PSD: variants seen among roughly 807,000 people sequenced by gnomAD.
PSD encodes pleckstrin and Sec7 domain containing, also known as PH and SEC7 domain-containing protein 1.
A neutral mutation model predicts 91.6 loss-of-function variants in PSD; 32 were observed. That is an observed-to-expected ratio of 0.35 (90% CI 0.26 to 0.47). PSD has a LOEUF of 0.47. PSD is among the 20% of genes least tolerant of loss of function. PSD has a pLI of 1.00. For missense variants in PSD, 1,099 were observed against 1,373.9 expected (o/e 0.80, Z 3.16); for synonymous variants, 532 against 569.3 (o/e 0.93, Z 0.93).
rs761587777 is a variant in PSD, at chr10:102,415,097, C to T, written c.890G>A (p.Arg297His). Residue 297 changes from arginine (R) to histidine (H), a missense_variant, in exon 4 of 17, where the codon CGC (arginine) becomes CAC (histidine). This residue lies in a region of PSD where 631 missense variants were observed against 728.8 expected (regional missense o/e 0.87). Coordinates refer to ENST00000020673, the MANE Select transcript of PSD (RefSeq NM_002779.5). ...DLDTVPLRCY[R>H]ETDIDEVLAE... ...CAGCACCTCATCGATGTCAGTCTCG[C>T]GGTAGCACCTCAGGGGCACCGTGTC... The T allele has an allele frequency of 3.7e-6, 6 of 1,613,870 alleles. No homozygotes were observed. Among genetic ancestry groups the T allele is most frequent in the East Asian group, 2.2e-5 (1 of 44,894 alleles).
chr10:102,409,107 CGCGCCGCGGCCCCCG>C lies in PSD; in HGVS notation c.2091+1736_2091+1750del. The C allele has an allele frequency of 2.0e-6, 2 of 982,512 alleles. No homozygotes were observed. The highest frequency in any genetic ancestry group is 2.4e-6 in the Non-Finnish European group (2 of 829,052). The allele number at this position is 982,512 out of a possible 1,614,324, so 60.9% of individuals were successfully genotyped here. A position where few individuals can be genotyped will look rare whatever the true frequency, so the allele number is the denominator to read the frequency against. On this transcript the variant is annotated intron_variant, in intron 10 of 16. Transcript: ENST00000020673. This position sits in a 1 kb window ranked among gnomAD's most constrained non-coding sequence, Gnocchi z 5.7. ...ACGCCGATCATGCTGGCCCGGCCGG[CGCGCCGCGGCCCCCG>C]GCCATGCCCCCGTCCGCCCTCGGCC...
At chr10:102,406,512 T>C (rs999491689) in intron 11 of PSD, among the ~76,000 whole-genome samples, 7 of 145,008 alleles carry the variant, frequency 4.8e-5, no homozygotes, top group East Asian at 1.9e-4. Context: ...TTTTTTCTTT[T>C]TTTTTTTTTT....
At position 102,409,317 on chromosome 10, in the gene PSD, G is replaced by A; in HGVS notation, c.2091+1541C>T. The A allele has an allele frequency of 1.0e-6, 1 of 985,498 alleles. No homozygotes were observed. The highest frequency in any genetic ancestry group is 1.2e-6 in the Non-Finnish European group (1 of 829,676). 61.0% of individuals were successfully genotyped at this position (985,498 alleles called of 1,614,324 possible). ...GCGGGAGGGGGGCGCCGACGGGAAA[G>A]GGAGGGCGAGGGCTGGGGGCGGGGA... On this transcript the variant is annotated intron_variant, in intron 10 of 16. Transcript: ENST00000020673. The surrounding 1 kb of genome is among the most constrained non-coding windows in gnomAD (Gnocchi z 5.7).
chr10:102,403,870 C>G lies in PSD; in HGVS notation c.2816G>C (p.Arg939Pro). 1 of 1,610,086 alleles carries G rather than the reference C, an allele frequency of 6.2e-7. No homozygotes were observed. The highest frequency in any genetic ancestry group is 8.5e-7 in the Non-Finnish European group (1 of 1,178,266). ...KGRGKEAEEQ[R>P]QKEAYLEFEK... Reference sequence around the variant, plus strand: ...AAACTCCAGGTAGGCCTCCTTCTGCCGCTGCTCTTCAGCCTCCTTGCCCCG... The same window carrying G: ...AAACTCCAGGTAGGCCTCCTTCTGCGGCTGCTCTTCAGCCTCCTTGCCCCG... The change falls in exon 16 of 17, where the codon CGG (arginine) becomes CCG (proline). Residue 939 changes from arginine to proline, a missense_variant. Arg to Pro is a moderately radical substitution (Grantham distance 103, BLOSUM62 -2). Transcript: ENST00000020673. The surrounding 1 kb of genome is among the most constrained non-coding windows in gnomAD (Gnocchi z 6.7).
chr10:102,403,160 T>C lies in PSD; in HGVS notation c.*40A>G, dbSNP rs1337841563. The C allele has an allele frequency of 7.7e-6, 11 of 1,425,476 alleles. No homozygotes were observed. Among genetic ancestry groups the C allele is most frequent in the Non-Finnish European group, 8.4e-6 (9 of 1,074,186 alleles). The allele number at this position is 1,425,476 out of a possible 1,614,324, so 88.3% of individuals were successfully genotyped here. On this transcript the variant is annotated 3_prime_UTR_variant, in exon 17 of 17. Coordinates refer to ENST00000020673, the MANE Select transcript of PSD (RefSeq NM_002779.5). The surrounding 1 kb of genome is among the most constrained non-coding windows in gnomAD (Gnocchi z 6.7). ...GGGCTCAGGCAGGGCCATGTCATCC[T>C]TCAGGTGCCCAGCAGGCACTCCCCA...
Position 102,416,097 on chromosome 10 carries a change from C to CG in PSD, c.676dup (p.Arg226ProfsTer12). On this transcript the variant is annotated frameshift_variant, in exon 3 of 17. Transcript: ENST00000020673. LOFTEE classifies it high-confidence loss of function. This position sits in a 1 kb window ranked among gnomAD's most constrained non-coding sequence, Gnocchi z 6.0. Reference sequence around the variant, plus strand: ...TCTCTGGGCATGAGAGGAGACTTCCCGGGGGGAGGACCAGGTATCCCCCTG... The same window carrying CG: ...TCTCTGGGCATGAGAGGAGACTTCCCGGGGGGGAGGACCAGGTATCCCCCTG... 1.2e-6 allele frequency: 2 copies of CG among 1,613,594 alleles called. No homozygotes were observed. The highest frequency in any genetic ancestry group is 8.5e-7 in the Non-Finnish European group (1 of 1,179,782).
chr10:102,412,688 G>A, intron 5 of PSD, 113 bp from the exon 6 acceptor site: 4 of 890,502 alleles, frequency 4.5e-6, no homozygotes, highest in Non-Finnish European at 6.7e-6. Context: ...GGAGGGACAT[G>A]GGGAAAGCAT....
At chr10:102,407,539 G>A (rs901309145) in intron 10 of PSD, among the ~76,000 whole-genome samples, 3 of 152,168 alleles carry the variant, frequency 2.0e-5, no homozygotes, top group Non-Finnish European at 2.9e-5. Flanking sequence ...CAAGGCTGAC[G>A]CACAGTAAAT....
In PSD at chr10:102,404,627, ACTT is replaced by A. The variant is rs1180416329; in HGVS notation, c.2653_2655del (p.Lys885del). On this transcript the variant is annotated inframe_deletion, in exon 15 of 17. Coordinates refer to ENST00000020673, the MANE Select transcript of PSD (RefSeq NM_002779.5). The surrounding 1 kb of genome is among the most constrained non-coding windows in gnomAD (Gnocchi z 5.7). Reference sequence around the variant, plus strand: ...GCGCTGGGCAGGAGAGGGCGGCTGAACTTCTTTTGGGAGCTAACAGCAGCTGGG... The same window carrying A: ...GCGCTGGGCAGGAGAGGGCGGCTGAACTTTTGGGAGCTAACAGCAGCTGGG... 12 of 1,611,912 alleles carry A rather than the reference ACTT, an allele frequency of 7.4e-6. No homozygotes were observed. Among genetic ancestry groups the A allele is most frequent in the Non-Finnish European group, 4.2e-6 (5 of 1,179,082 alleles).
intron 11 of PSD, chr10:102,406,114 CA>C (rs1464047121): frequency 6.5e-6 from 1 of 152,674 alleles, no homozygotes; most frequent in African/African-American, 2.4e-5. Context: ...TTCTCCGTCC[CA>C]GCTAGGCCTG....
rs2061317616 is a variant in PSD, at chr10:102,403,783, G to A, written c.2844+59C>T. The A allele has an allele frequency of 9.7e-6, 15 of 1,551,442 alleles. No homozygotes were observed. The highest frequency in any genetic ancestry group is 1.4e-5 in the African/African-American group (1 of 73,606). ...GGCCGGTTCCACTGTTAGAGTTCAT[G>A]CCCTTCACCCTAGTATGGGCCTGCG... is the stretch of plus-strand genomic sequence containing the variant. On this transcript the variant is annotated intron_variant, in intron 16 of 16. Transcript: ENST00000020673. This position sits in a 1 kb window ranked among gnomAD's most constrained non-coding sequence, Gnocchi z 6.7.
chr10:102,417,069 G>A lies in PSD; in HGVS notation c.-31C>T. 1 of 1,386,836 alleles carries A rather than the reference G, an allele frequency of 7.2e-7. No homozygotes were observed. The highest frequency in any genetic ancestry group is 9.8e-7 in the Non-Finnish European group (1 of 1,020,316). 85.9% of individuals were successfully genotyped at this position (1,386,836 alleles called of 1,614,324 possible). ...GGCCGGGGGTCAGGCTGGGGGGGCA[G>A]GGATGGCGAGGCCAGGCGGGGAGTA... On this transcript the variant is annotated 5_prime_UTR_variant, in exon 2 of 17. Coordinates refer to ENST00000020673, the MANE Select transcript of PSD (RefSeq NM_002779.5).
In PSD at chr10:102,404,114, C is replaced by T. The variant is rs570838647; in HGVS notation, c.2701-129G>A. On this transcript the variant is annotated intron_variant, in intron 15 of 16. Coordinates refer to ENST00000020673, the MANE Select transcript of PSD (RefSeq NM_002779.5). This position sits in a 1 kb window ranked among gnomAD's most constrained non-coding sequence, Gnocchi z 5.7. ...CTGTAATCCCAGCACTTTGGGAGGC[C>T]AAGGCGGGCGGATCACGAGGTCAGG... The T allele has an allele frequency of 1.1e-4, 131 of 1,162,118 alleles. No individual in the cohort carries two copies. In the African/African-American group the frequency reaches 1.9e-3, roughly 17 times the overall value. The allele number at this position is 1,162,118 out of a possible 1,614,324, so 72.0% of individuals were successfully genotyped here. A position where few individuals can be genotyped will look rare whatever the true frequency, so the allele number is the denominator to read the frequency against.
Position 102,414,946 on chromosome 10 carries a change from A to T in PSD, c.1041T>A (p.Ser347Arg). 6.4e-7 allele frequency: 1 copy of T among 1,551,966 alleles called. No homozygotes were observed. The highest frequency in any genetic ancestry group is 8.7e-7 in the Non-Finnish European group (1 of 1,143,416). The change falls in exon 4 of 17, where the codon AGT becomes AGA. Residue 347 changes from serine (S) to arginine (R), a missense_variant. Around this residue, in one of 3 missense-constraint regions of PSD, gnomAD observed 631 missense variants for 728.8 expected, o/e 0.87. Transcript: ENST00000020673. The surrounding 1 kb of genome is among the most constrained non-coding windows in gnomAD (Gnocchi z 5.6). ...CATCGTCGTCCTCATCCTCATTGCC[A>T]CTGCCGAGGCTGGGATGAGGGCCAG... is the stretch of plus-strand genomic sequence containing the variant. Reference protein sequence around the residue: ...PLPGPHPSLGSGNEDEDDDEA... With the variant: ...PLPGPHPSLGRGNEDEDDDEA...
chr10:102,417,948 A>T (rs1322918953), intron 1 of PSD, among the ~76,000 whole-genome samples: 1 of 151,856 alleles, frequency 6.6e-6, no homozygotes, highest in Admixed American at 6.6e-5. Flanking sequence ...ACCTCAGGGG[A>T]TCCACCCACT....
At chr10:102,406,712 A>G (rs538655868) in intron 11 of PSD, among the ~76,000 whole-genome samples, 27 of 152,232 alleles carry the variant, frequency 1.8e-4, no homozygotes, top group Admixed American at 4.6e-4. Flanking sequence ...TCACCGTTTT[A>G]GCCAGGATGG....
chr10:102,416,708 C>A lies in PSD; in HGVS notation c.331G>T (p.Val111Leu). The A allele has an allele frequency of 6.2e-7, 1 of 1,602,096 alleles. No homozygotes were observed. The highest frequency in any genetic ancestry group is 8.5e-7 in the Non-Finnish European group (1 of 1,174,542). Reference sequence around the variant, plus strand: ...GCAGGTAGCCCATTCAGTGGCCTCACACTGGCCTTCTCCACAAAGCGGAAG... The same window carrying A: ...GCAGGTAGCCCATTCAGTGGCCTCAAACTGGCCTTCTCCACAAAGCGGAAG... ...VIFRFVEKAS[V>L]RPLNGLPAPG... Residue 111 changes from valine (V) to leucine (L), a missense_variant, in exon 2 of 17, where the codon GTG becomes TTG. Around this residue, in one of 3 missense-constraint regions of PSD, gnomAD observed 631 missense variants for 728.8 expected, o/e 0.87. Transcript: ENST00000020673. The surrounding 1 kb of genome is among the most constrained non-coding windows in gnomAD (Gnocchi z 6.0).
Position 102,414,747 on chromosome 10 carries a change from G to T in PSD, c.1124+116C>A. On this transcript the variant is annotated intron_variant, in intron 4 of 16. Transcript: ENST00000020673. The surrounding 1 kb of genome is among the most constrained non-coding windows in gnomAD (Gnocchi z 5.6). ...AATCTCCTGCTATACACACTGCCCC[G>T]CCAGCCCCACACCCATCTCTATCCC... 2 of 1,344,080 alleles carry T rather than the reference G, an allele frequency of 1.5e-6. No individual in the cohort carries two copies. The highest frequency in any genetic ancestry group is 2.0e-6 in the Non-Finnish European group (2 of 1,015,236). The allele number at this position is 1,344,080 out of a possible 1,614,324, so 83.3% of individuals were successfully genotyped here.
Position 102,410,805 on chromosome 10 carries a change from C to T in PSD, c.2091+53G>A. The T allele has an allele frequency of 1.4e-6, 2 of 1,382,068 alleles. No individual in the cohort carries two copies. Among genetic ancestry groups the T allele is most frequent in the Non-Finnish European group, 2.1e-6 (2 of 970,526 alleles). The allele number at this position is 1,382,068 out of a possible 1,614,324, so 85.6% of individuals were successfully genotyped here. A position where few individuals can be genotyped will look rare whatever the true frequency, so the allele number is the denominator to read the frequency against. On this transcript the variant is annotated intron_variant, in intron 10 of 16. Coordinates refer to ENST00000020673, the MANE Select transcript of PSD (RefSeq NM_002779.5). The surrounding 1 kb of genome is among the most constrained non-coding windows in gnomAD (Gnocchi z 6.0). ...CTCCGACTCTGGACTCCGTCGCCGACTGGGTCCTCCATCCTTCCCCTCCAG... is the reference window on the plus strand; with the variant it reads ...CTCCGACTCTGGACTCCGTCGCCGATTGGGTCCTCCATCCTTCCCCTCCAG...
Sources: allele counts gnomAD v4.1 joint callset (sites outside exome capture counted in the v4.1 genomes callset), GRCh38; gene constraint gnomAD v4.1.1; regional missense constraint gnomAD v4.1.1; non-coding constraint Gnocchi (gnomAD v3.1); transcripts MANE v1.5; gene names NCBI Gene and HGNC (gene_info 2026-07-23, HGNC 2026-07-21).